The following RORB variants were observed in gnomAD, a reference collection of about 807,000 sequenced individuals.
RORB encodes RAR related orphan receptor B.
Under a neutral mutation model 59.1 loss-of-function variants are expected in RORB, and 6 were observed. The ratio of observed to expected loss-of-function variants is 0.10; its 90% confidence interval spans 0.06 to 0.20. The LOEUF is 0.20. RORB is among the 10% of genes least tolerant of loss of function. RORB has a pLI of 1.00. For missense variants in RORB, 320 were observed against 560.5 expected, an observed-to-expected ratio of 0.57 and a Z score of 4.33; for synonymous variants, 215 against 204.5, an observed-to-expected ratio of 1.05 and a Z score of -0.44.
intron 9 of RORB, among the ~76,000 whole-genome samples, chr9:74,675,500 G>C (rs117640831): frequency 0.012 from 1,811 of 152,164 alleles, 12 homozygotes; most frequent in Non-Finnish European, 0.017. Context: ...AAAAACAAAG[G>C]TTCCTCCTGA....
chr9:74,560,562 A>G (rs1038538094), intron 1 of RORB, among the ~76,000 whole-genome samples: 1 of 152,056 alleles, frequency 6.6e-6, no homozygotes, highest in African/African-American at 2.4e-5. Context: ...ATTTGGTAGA[A>G]ACATTTGATA....
chr9:74,642,607 C>G lies in RORB; in HGVS notation c.429C>G (p.Asn143Lys). 1.2e-6 allele frequency: 2 copies of G among 1,614,178 alleles called. 1 individual carries two copies. The highest frequency in any genetic ancestry group is 2.2e-5 in the South Asian group (2 of 91,078). ...LNNETSGTYA[N>K]GHVIDLPKSE... is the part of the protein sequence containing the mutation. Reference sequence around the variant, plus strand: ...ACGAGACCAGCGGCACTTATGCCAACGGGCACGTCATTGACCTGCCCAAGT... The same window carrying G: ...ACGAGACCAGCGGCACTTATGCCAAGGGGCACGTCATTGACCTGCCCAAGT... The change falls in exon 4 of 10, where the codon AAC becomes AAG. Residue 143 changes from asparagine (N) to lysine (K), a missense_variant. Coordinates refer to ENST00000376896, the MANE Select transcript of RORB (RefSeq NM_006914.4).
intron 1 of RORB, among the ~76,000 whole-genome samples, chr9:74,525,983 T>G (rs916349807): frequency 6.6e-6 from 1 of 151,956 alleles, no homozygotes; most frequent in Non-Finnish European, 1.5e-5. Flanking sequence ...TACAGTCACT[T>G]TAAGAAAAAA....
intron 1 of RORB, among the ~76,000 whole-genome samples, chr9:74,540,659 T>A (rs569759135): frequency 1.3e-5 from 2 of 152,252 alleles, no homozygotes; most frequent in Admixed American, 1.3e-4. Flanking sequence ...CTTTTTTTTT[T>A]AAGCTGCATA....
rs1461999024 is a variant in RORB, at chr9:74,615,352, A to G, written c.8-14930A>G. ...CTGATTGCTATTAAGCAAATGCTGC[A>G]TTCTTTAGCGAATAAGTAGCATCAA... On this transcript the variant is annotated intron_variant, in intron 1 of 9. Coordinates refer to ENST00000376896, the MANE Select transcript of RORB (RefSeq NM_006914.4). Among the ~76,000 whole-genome samples the G allele has an allele frequency of 2.0e-5, 3 of 152,230 alleles. No individual in the cohort carries two copies. In the South Asian group the frequency reaches 6.2e-4, roughly 31 times the overall value.
intron 8 of RORB, among the ~76,000 whole-genome samples, chr9:74,670,125 T>C (rs1824325085): frequency 6.6e-6 from 1 of 152,072 alleles, no homozygotes; most frequent in African/African-American, 2.4e-5. Context: ...CAAAGATAGA[T>C]GGAAGAAGTG....
At chr9:74,675,350 A>G (rs550905463) in intron 9 of RORB, among the ~76,000 whole-genome samples, 28 of 151,182 alleles carry the variant, frequency 1.9e-4, no homozygotes, top group African/African-American at 6.0e-4. Flanking sequence ...ATATACATAT[A>G]TATTTTTAAG....
intron 1 of RORB, among the ~76,000 whole-genome samples, chr9:74,595,129 G>T (rs1417783382): frequency 6.6e-6 from 1 of 152,190 alleles, no homozygotes; most frequent in East Asian, 1.9e-4. Context: ...TTCTGCTTCA[G>T]TTCCATAATG....
chr9:74,665,426 C>A, intron 6 of RORB, 62 bp from the exon 7 acceptor site: 1 of 1,002,620 alleles, frequency 1.0e-6, no homozygotes, highest in Non-Finnish European at 1.5e-6. Context: ...GTAATAATTT[C>A]TTTATTATTG....
At chr9:74,550,280 C>T (rs1209747916) in intron 1 of RORB, among the ~76,000 whole-genome samples, 1 of 152,160 alleles carries the variant, frequency 6.6e-6, no homozygotes. Context: ...AAATACCAAT[C>T]TAGATGACAT....
chr9:74,676,032 G>A (rs1824435525), intron 9 of RORB, among the ~76,000 whole-genome samples: 1 of 152,220 alleles, frequency 6.6e-6, no homozygotes, highest in South Asian at 2.1e-4. Flanking sequence ...TAGAGGATAA[G>A]GAAGGCCGGT....
chr9:74,676,464 G>A (rs1359887), intron 9 of RORB, among the ~76,000 whole-genome samples: 150,369 of 152,308 alleles, frequency 0.99, 74,260 homozygotes, highest in Middle Eastern at 1. Context: ...GCTTAGAGAG[G>A]ATGTTGCTTT....
At chr9:74,520,247 A>C (rs1372522553) in intron 1 of RORB, among the ~76,000 whole-genome samples, 1 of 151,966 alleles carries the variant, frequency 6.6e-6, no homozygotes, top group African/African-American at 2.4e-5. Flanking sequence ...CACAAAATCT[A>C]AATAGTCATT....
intron 4 of RORB, among the ~76,000 whole-genome samples, chr9:74,656,768 T>C (rs891167302): frequency 4.6e-5 from 7 of 152,020 alleles, no homozygotes; most frequent in Non-Finnish European, 7.4e-5. Flanking sequence ...AAACAGACCA[T>C]ACTTTACAGC....
At chr9:74,555,008 G>T (rs970758712) in intron 1 of RORB, among the ~76,000 whole-genome samples, 1 of 152,206 alleles carries the variant, frequency 6.6e-6, no homozygotes, top group African/African-American at 2.4e-5. Flanking sequence ...GGGCGCAGAA[G>T]CAAAATCAAC....
chr9:74,567,675 C>T (rs1822489049), intron 1 of RORB, among the ~76,000 whole-genome samples: 1 of 152,090 alleles, frequency 6.6e-6, no homozygotes, highest in Non-Finnish European at 1.5e-5. Context: ...AATTCAGCAC[C>T]ACAGTCTCCC....
chr9:74,671,119 T>G (rs2118543499), intron 8 of RORB, among the ~76,000 whole-genome samples: 2 of 142,162 alleles, frequency 1.4e-5, no homozygotes, highest in African/African-American at 2.6e-5. Flanking sequence ...GGGAAGGAAA[T>G]AAGTGTGGGA....
intron 1 of RORB, among the ~76,000 whole-genome samples, chr9:74,526,328 T>G (rs1826155792): frequency 6.6e-6 from 1 of 151,842 alleles, no homozygotes. Context: ...TTTAACTATG[T>G]GGCTTGAGCA....
chr9:74,558,414 C>G (rs1025048892), intron 1 of RORB, among the ~76,000 whole-genome samples: 1 of 152,118 alleles, frequency 6.6e-6, no homozygotes, highest in East Asian at 1.9e-4. Flanking sequence ...CTTTCACTAC[C>G]TTTTTAACTT....
Sources: gnomAD v4.1 joint callset for allele counts (sites outside exome capture counted in the v4.1 genomes callset) on GRCh38, gnomAD v4.1.1 for gene constraint, MANE v1.5 for transcripts, NCBI Gene and HGNC (gene_info 2026-07-23, HGNC 2026-07-21) for gene names.